Variants in PRKN observed in about 807,000 individuals in gnomAD.
The protein encoded by PRKN is parkin RBR E3 ubiquitin protein ligase.
PRKN carries 56 observed loss-of-function variants against 59.5 expected under a neutral mutation model. The ratio of observed to expected loss-of-function variants is 0.94; its 90% confidence interval spans 0.76 to 1.18. The LOEUF (loss-of-function observed/expected upper bound fraction) is 1.18. Ranked by LOEUF, PRKN falls within the 50% of genes most tolerant of loss-of-function variation. PRKN has a pLI of 0.00. For synonymous variants in PRKN, 250 were observed against 222.1 expected (o/e 1.13, Z -1.12); for missense variants, 657 against 596.4 (o/e 1.10, Z -1.06).
At chr6:162,333,985 G>C (rs574611043) in intron 2 of PRKN, among the ~76,000 whole-genome samples, 4 of 152,136 alleles carry the variant, frequency 2.6e-5, no homozygotes, top group Non-Finnish European at 4.4e-5. Flanking sequence ...ATACAAGATC[G>C]AAACAGCCAC....
At chr6:161,831,971 C>T (rs1161601550) in intron 6 of PRKN, among the ~76,000 whole-genome samples, 1 of 152,208 alleles carries the variant, frequency 6.6e-6, no homozygotes, top group Non-Finnish European at 1.5e-5. Context: ...GGAAGGCCCC[C>T]ACGCTCCAGG....
chr6:162,454,738 AG>A (rs1190714525), intron 1 of PRKN, among the ~76,000 whole-genome samples: 1 of 152,188 alleles, frequency 6.6e-6, no homozygotes, highest in African/African-American at 2.4e-5. Flanking sequence ...ATTTTGTCCC[AG>A]CTTCCCTTCG....
intron 4 of PRKN, among the ~76,000 whole-genome samples, chr6:162,197,614 A>T (rs1448455066): frequency 6.6e-6 from 1 of 152,194 alleles, no homozygotes; most frequent in African/African-American, 2.4e-5. Flanking sequence ...CCTGGCTTCG[A>T]TATTTATGAA....
Position 162,472,520 on chromosome 6 carries a change from G to A in PRKN, c.8-29047C>T, listed in dbSNP as rs1278066902. Among the ~76,000 whole-genome samples, 21 of 115,206 alleles carry A rather than the reference G, an allele frequency of 1.8e-4. 3 individuals carry two copies. Among genetic ancestry groups the A allele is most frequent in the Non-Finnish European group, 2.8e-4 (15 of 52,786 alleles). The allele number at this position is 115,206 out of a possible 152,430, so 75.6% of individuals were successfully genotyped here. ...TTTTGAGACGGAGTCTCGCTCTGTC[G>A]CCCAGGCCAGACTGCGGACTGCAGT... On this transcript the variant is annotated intron_variant, in intron 1 of 11. Transcript: ENST00000366898.
chr6:162,413,618 G>A (rs79699210), intron 2 of PRKN, among the ~76,000 whole-genome samples: 10,810 of 151,904 alleles, frequency 0.071, 545 homozygotes, highest in Middle Eastern at 0.11. Flanking sequence ...AAAAACTATT[G>A]TGCAAATCAC....
rs763588687 is a variant in PRKN at position 161,347,613 on chromosome 6, G to GTTTTTTTTTTTTTTTTTTTT, written c.*2485_*2486insAAAAAAAAAAAAAAAAAAAA. The GTTTTTTTTTTTTTTTTTTTT allele has an allele frequency of 1.7e-5, 2 of 119,274 alleles. 1 individual carries two copies. Among genetic ancestry groups the GTTTTTTTTTTTTTTTTTTTT allele is most frequent in the African/African-American group, 7.0e-5 (2 of 28,740 alleles). 7.4% of individuals were successfully genotyped at this position (119,274 alleles called of 1,614,324 possible). On this transcript the variant is annotated 3_prime_UTR_variant, in exon 12 of 12. Coordinates refer to ENST00000366898, the MANE Select transcript of PRKN (RefSeq NM_004562.3). ...GTGTAGTGGATGATCTTGCTTTTTT[G>GTTTTTTTTTTTTTTTTTTTT]TTTTTGTTTTTTTTTTTTTTTTGAG...
intron 2 of PRKN, among the ~76,000 whole-genome samples, chr6:162,364,555 A>T (rs1785319204): frequency 6.6e-6 from 1 of 152,238 alleles, no homozygotes. Context: ...GGCTTCAAAC[A>T]TCAAAGAAGG....
chr6:161,585,399 T>C (rs1781485202), intron 7 of PRKN, among the ~76,000 whole-genome samples: 1 of 152,202 alleles, frequency 6.6e-6, no homozygotes. Context: ...CAGAATAATG[T>C]CAAATAATCA....
chr6:162,649,866 A>G (rs928815077), intron 1 of PRKN, among the ~76,000 whole-genome samples: 2 of 152,180 alleles, frequency 1.3e-5, no homozygotes, highest in East Asian at 1.9e-4. Flanking sequence ...GTACATGAAT[A>G]TAAGTCTTTC....
chr6:161,918,657 C>A (rs1778666716), intron 6 of PRKN, among the ~76,000 whole-genome samples: 1 of 152,164 alleles, frequency 6.6e-6, no homozygotes, highest in African/African-American at 2.4e-5. Context: ...GGGGTGAGTT[C>A]TTTTTCTTCT....
rs527752332 is a variant in PRKN, at chr6:162,199,096, A to T, written c.534+2035T>A. On this transcript the variant is annotated intron_variant, in intron 4 of 11. Coordinates refer to ENST00000366898, the MANE Select transcript of PRKN (RefSeq NM_004562.3). Reference sequence around the variant, plus strand: ...GACTTTTCAACATGAATTCCACCTCACCCTTCCACTACTGTCCTCACCGCC... The same window carrying T: ...GACTTTTCAACATGAATTCCACCTCTCCCTTCCACTACTGTCCTCACCGCC... Among the ~76,000 whole-genome samples the T allele has an allele frequency of 2.0e-4, 31 of 151,578 alleles. No individual in the cohort carries two copies. The East Asian group carries it at 6.0e-3, about 30-fold the overall frequency.
At chr6:161,892,429 T>C (rs1157228106) in intron 6 of PRKN, among the ~76,000 whole-genome samples, 1 of 151,190 alleles carries the variant, frequency 6.6e-6, no homozygotes, top group African/African-American at 2.4e-5. Context: ...TAAGATTAGT[T>C]GGGCATGGTG....
intron 5 of PRKN, among the ~76,000 whole-genome samples, chr6:162,045,389 G>C (rs966146580): frequency 3.3e-5 from 5 of 152,154 alleles, no homozygotes; most frequent in Admixed American, 6.5e-5. Context: ...AGTATTAAGG[G>C]GAATGATGAC....
chr6:161,538,731 TG>T lies in PRKN; in HGVS notation c.1083+10122del, dbSNP rs1030347780. On this transcript the variant is annotated intron_variant, in intron 9 of 11. Coordinates refer to ENST00000366898, the MANE Select transcript of PRKN (RefSeq NM_004562.3). This position sits in a 1 kb window ranked among gnomAD's most constrained non-coding sequence, Gnocchi z 4.2. ...GCAGATCCTTGGAGACCAGTGCCCATGGGACTGGCTGGTCTTTACCCAAGAA... is the reference window on the plus strand; with the variant it reads ...GCAGATCCTTGGAGACCAGTGCCCATGGACTGGCTGGTCTTTACCCAAGAA... 3.3e-5 allele frequency among the ~76,000 whole-genome samples: 5 copies of T among 152,210 alleles called. No individual in the cohort carries two copies. Among genetic ancestry groups the T allele is most frequent in the African/African-American group, 9.6e-5 (4 of 41,456 alleles).
At chr6:162,123,007 TA>T (rs34578897) in intron 4 of PRKN, among the ~76,000 whole-genome samples, 1,800 of 136,806 alleles carry the variant, frequency 0.013, 26 homozygotes, top group African/African-American at 0.038. Context: ...CAAAAATAGT[TA>T]AAAAAAAAAA....
intron 5 of PRKN, among the ~76,000 whole-genome samples, chr6:162,045,762 G>C (rs146929299): frequency 5.3e-5 from 8 of 152,300 alleles, no homozygotes; most frequent in Non-Finnish European, 1.0e-4. Flanking sequence ...AGGACTAGGA[G>C]GGCTGTTTCC....
intron 7 of PRKN, among the ~76,000 whole-genome samples, chr6:161,732,479 T>TGTGTGTGTGTGTGTGTGTGTG (rs1261124218): frequency 8.3e-4 from 105 of 127,040 alleles, no homozygotes; most frequent in African/African-American, 5.5e-3. Flanking sequence ...CAGAGGTTTT[T>TGTGTGTGTGTGTGTGTGTGTG]TTTTTTTGTG....
rs1209183482 is a variant in PRKN, at chr6:161,529,306, T to G, written c.1083+19548A>C. Among the ~76,000 whole-genome samples, 1 of 152,174 alleles carries G rather than the reference T, an allele frequency of 6.6e-6. No individual in the cohort carries two copies. Among genetic ancestry groups the G allele is most frequent in the African/African-American group, 2.4e-5 (1 of 41,416 alleles). ...GACACCTGGTTGTGGCTGACGGCTG[T>G]GTCCCTCCAGCTGCCTCACCTGGGG... On this transcript the variant is annotated intron_variant, in intron 9 of 11. Transcript: ENST00000366898. This position sits in a 1 kb window ranked among gnomAD's most constrained non-coding sequence, Gnocchi z 4.4.
At chr6:162,330,074 T>C (rs1783504829) in intron 2 of PRKN, among the ~76,000 whole-genome samples, 1 of 152,170 alleles carries the variant, frequency 6.6e-6, no homozygotes, top group Non-Finnish European at 1.5e-5. Flanking sequence ...AGGAAAGAAA[T>C]CTGGTCCTCT....
Sources: allele counts gnomAD v4.1 joint callset (sites outside exome capture counted in the v4.1 genomes callset), GRCh38; gene constraint gnomAD v4.1.1; non-coding constraint Gnocchi (gnomAD v3.1); transcripts MANE v1.5; gene names NCBI Gene and HGNC (gene_info 2026-07-23, HGNC 2026-07-21).